KCNJ6: variants seen among roughly 807,000 people sequenced by gnomAD.
KCNJ6 encodes the protein potassium inwardly rectifying channel subfamily J member 6, also known as G protein-activated inward rectifier potassium channel 2.
In KCNJ6, 9 loss-of-function variants were observed where a neutral mutation model predicts 34.2. That is an observed-to-expected ratio of 0.26 (90% CI 0.16 to 0.46). The LOEUF is 0.46. Among genes scored for constraint, KCNJ6 ranks in the 20% least tolerant of loss-of-function variants. KCNJ6 has a pLI of 1.00. For missense variants in KCNJ6, 236 were observed against 531.3 expected, an observed-to-expected ratio of 0.44 and a Z score of 5.46; for synonymous variants, 196 against 207.1, an observed-to-expected ratio of 0.95 and a Z score of 0.46.
chr21:37,728,975 T>C (rs552021970), intron 2 of KCNJ6, among the ~76,000 whole-genome samples: 2 of 152,296 alleles, frequency 1.3e-5, no homozygotes, highest in Admixed American at 6.5e-5. Flanking sequence ...GGTTTTGATT[T>C]GCTGTGTCCC....
At chr21:37,633,966 A>G (rs974305455) in intron 3 of KCNJ6, among the ~76,000 whole-genome samples, 2 of 152,110 alleles carry the variant, frequency 1.3e-5, no homozygotes, top group Non-Finnish European at 2.9e-5. Flanking sequence ...TTCTTACACC[A>G]TGAGGAAGTA....
At chr21:37,891,747 A>G (rs982091502) in intron 1 of KCNJ6, among the ~76,000 whole-genome samples, 4 of 152,182 alleles carry the variant, frequency 2.6e-5, no homozygotes, top group Admixed American at 2.6e-4. Context: ...TTGAATATCC[A>G]AGTGCCAAAG....
At chr21:37,805,385 T>C (rs2055288793) in intron 2 of KCNJ6, among the ~76,000 whole-genome samples, 1 of 151,686 alleles carries the variant, frequency 6.6e-6, no homozygotes, top group Non-Finnish European at 1.5e-5. Flanking sequence ...TTAGTAAAGA[T>C]GATGATAAAA....
intron 2 of KCNJ6, among the ~76,000 whole-genome samples, chr21:37,797,373 C>A (rs142749051): frequency 2.6e-5 from 4 of 152,156 alleles, no homozygotes; most frequent in African/African-American, 9.7e-5. Flanking sequence ...TTTGTAGTTA[C>A]CATGCACAAG....
intron 2 of KCNJ6, among the ~76,000 whole-genome samples, chr21:37,816,889 C>T (rs970894621): frequency 6.6e-5 from 10 of 152,114 alleles, no homozygotes. Flanking sequence ...AGACAACTGC[C>T]CTGAATCCAA....
rs1373649295 is a variant in KCNJ6 at position 37,859,524 on chromosome 21, TATATATAA to T, written c.-27-18823_-27-18816del. ...ATATATATATATATATATATATATA[TATATATAA>T]AATACTTAAAAAGCTCTACAGATGA... is the stretch of plus-strand genomic sequence containing the variant. On this transcript the variant is annotated intron_variant, in intron 1 of 3. Coordinates refer to ENST00000609713, the MANE Select transcript of KCNJ6 (RefSeq NM_002240.5). 6.2e-3 allele frequency among the ~76,000 whole-genome samples: 482 copies of T among 77,338 alleles called. 29 individuals are homozygous for T. The highest frequency in any genetic ancestry group is 0.02 in the African/African-American group (362 of 18,430). The allele number at this position is 77,338 out of a possible 152,430, so 50.7% of individuals were successfully genotyped here. A position where few individuals can be genotyped will look rare whatever the true frequency, so the allele number is the denominator to read the frequency against.
At chr21:37,626,297 A>AT (rs1170234754) in intron 3 of KCNJ6, among the ~76,000 whole-genome samples, 3 of 150,524 alleles carry the variant, frequency 2.0e-5, no homozygotes, top group Non-Finnish European at 3.0e-5. Context: ...TGTCCGACTA[A>AT]TTTTTTTTTG....
At chr21:37,889,320 C>T (rs1346857132) in intron 1 of KCNJ6, among the ~76,000 whole-genome samples, 1 of 152,188 alleles carries the variant, frequency 6.6e-6, no homozygotes, top group Non-Finnish European at 1.5e-5. Flanking sequence ...AAGAGCCTAT[C>T]ATTTTATGAT....
chr21:37,743,037 C>T (rs1239797733), intron 2 of KCNJ6, among the ~76,000 whole-genome samples: 1 of 152,176 alleles, frequency 6.6e-6, no homozygotes, highest in Non-Finnish European at 1.5e-5. Context: ...TTGCCCTTCC[C>T]TGGAAGCCTG....
At chr21:37,704,296 C>G (rs547659640) in intron 3 of KCNJ6, among the ~76,000 whole-genome samples, 1 of 116,638 alleles carries the variant, frequency 8.6e-6, no homozygotes, top group East Asian at 4.8e-4. Context: ...ACACCTTTTC[C>G]AACTTTGTTT....
rs778620611 is a variant in KCNJ6 at position 37,617,908 on chromosome 21, G to C, written c.*7251C>G. On this transcript the variant is annotated 3_prime_UTR_variant, in exon 4 of 4. Coordinates refer to ENST00000609713, the MANE Select transcript of KCNJ6 (RefSeq NM_002240.5). The stretch of plus-strand genomic sequence containing the variant: ...AGGGAGGTGCTCTGTGGGGTCAAGG[G>C]TGTGGGGCAAGTTAAGCTTGAAAGA... 6.6e-6 allele frequency: 1 copy of C among 152,276 alleles called. No individual in the cohort carries two copies. The highest frequency in any genetic ancestry group is 2.4e-5 in the African/African-American group (1 of 41,454). 9.4% of individuals were successfully genotyped at this position (152,276 alleles called of 1,614,324 possible). A position where few individuals can be genotyped will look rare whatever the true frequency, so the allele number is the denominator to read the frequency against.
intron 1 of KCNJ6, among the ~76,000 whole-genome samples, chr21:37,861,311 CT>C (rs1195347810): frequency 1.3e-5 from 2 of 152,182 alleles, no homozygotes; most frequent in Admixed American, 6.5e-5. Flanking sequence ...TTGGAGGCCT[CT>C]GTCCTTGGCT....
At chr21:37,654,084 GA>G (rs1428970564) in intron 3 of KCNJ6, among the ~76,000 whole-genome samples, 2 of 138,090 alleles carry the variant, frequency 1.4e-5, no homozygotes, top group Non-Finnish European at 3.1e-5. Flanking sequence ...CAGAATCCAA[GA>G]AAAAAATTCC....
chr21:37,751,753 G>C (rs1216844224), intron 2 of KCNJ6, among the ~76,000 whole-genome samples: 2 of 152,088 alleles, frequency 1.3e-5, no homozygotes, highest in African/African-American at 4.8e-5. Flanking sequence ...TACCAGAAGG[G>C]AGAATGATGA....
intron 2 of KCNJ6, among the ~76,000 whole-genome samples, chr21:37,824,104 G>A (rs947667832): frequency 6.6e-6 from 1 of 152,114 alleles, no homozygotes; most frequent in African/African-American, 2.4e-5. Context: ...GAGGTGGGGG[G>A]AAAAAGAGAC....
Position 37,901,678 on chromosome 21 carries a change from C to T in KCNJ6, c.-28+14206G>A, listed in dbSNP as rs149416892. Among the ~76,000 whole-genome samples the T allele has an allele frequency of 3.9e-5, 6 of 152,252 alleles. No individual in the cohort carries two copies. The East Asian group carries it at 1.2e-3, about 29-fold the overall frequency. ...AAAATCTTTCTAAAAAGTGAGCTCCCTTCTCTATGTTGGTAAGTGTGCTGT... is the reference window on the plus strand; with the variant it reads ...AAAATCTTTCTAAAAAGTGAGCTCCTTTCTCTATGTTGGTAAGTGTGCTGT... On this transcript the variant is annotated intron_variant, in intron 1 of 3. Coordinates refer to ENST00000609713, the MANE Select transcript of KCNJ6 (RefSeq NM_002240.5).
intron 1 of KCNJ6, among the ~76,000 whole-genome samples, chr21:37,902,294 A>G (rs1258198244): frequency 6.6e-6 from 1 of 152,254 alleles, no homozygotes; most frequent in Non-Finnish European, 1.5e-5. Flanking sequence ...CATCGTTTAA[A>G]TATCACATCT....
At chr21:37,898,167 T>C (rs1239679985) in intron 1 of KCNJ6, among the ~76,000 whole-genome samples, 2 of 152,214 alleles carry the variant, frequency 1.3e-5, no homozygotes, top group Admixed American at 6.5e-5. Context: ...CTTTGGTTGC[T>C]GACGCTAGCC....
chr21:37,764,696 G>A (rs557172304), intron 2 of KCNJ6, among the ~76,000 whole-genome samples: 17 of 152,262 alleles, frequency 1.1e-4, no homozygotes, highest in African/African-American at 3.8e-4. Flanking sequence ...ACTTTTTGAT[G>A]GTGCTTTCCA....
Sources: allele counts gnomAD v4.1 joint callset (sites outside exome capture counted in the v4.1 genomes callset), GRCh38; gene constraint gnomAD v4.1.1; transcripts MANE v1.5; gene names NCBI Gene and HGNC (gene_info 2026-07-23, HGNC 2026-07-21).